SLAMF6: variants seen among roughly 807,000 people sequenced by gnomAD.
The protein encoded by SLAMF6 is SLAM family member 6.
Under a neutral mutation model 38.3 loss-of-function variants are expected in SLAMF6, and 21 were observed. The observed-to-expected ratio is 0.55, with a 90% CI of 0.39 to 0.79. SLAMF6 has a LOEUF of 0.79. Ranked by LOEUF, SLAMF6 falls within the 30% of genes least tolerant of loss-of-function variation. SLAMF6 has a pLI of 0.00. For missense variants in SLAMF6, 341 were observed against 385.3 expected (o/e 0.89, Z 0.96); for synonymous variants, 152 against 146.3 (o/e 1.04, Z -0.28).
rs114055014 is a variant in SLAMF6 at position 160,505,765 on chromosome 1, C to T, written c.50-9372G>A. ...CAATGGACAAAGAACTAAAGGAAATCAAGAAAAGGATATATAAAGAAAAGA... is the reference window on the plus strand; with the variant it reads ...CAATGGACAAAGAACTAAAGGAAATTAAGAAAAGGATATATAAAGAAAAGA... On this transcript the variant is annotated intron_variant, in intron 1 of 7. Coordinates refer to ENST00000368057, the MANE Select transcript of SLAMF6 (RefSeq NM_001184714.2). Among the ~76,000 whole-genome samples, 1,503 of 151,664 alleles carry T rather than the reference C, an allele frequency of 9.9e-3. 19 individuals carry two copies. Among genetic ancestry groups the T allele is most frequent in the African/African-American group, 0.035 (1,427 of 41,308 alleles).
At chr1:160,516,880 A>C (rs898811133) in intron 1 of SLAMF6, among the ~76,000 whole-genome samples, 1 of 152,246 alleles carries the variant, frequency 6.6e-6, no homozygotes, top group Non-Finnish European at 1.5e-5. Flanking sequence ...TAAAGACTTA[A>C]ATGTAAAACT....
intron 7 of SLAMF6, 91 bp from the exon 8 acceptor site, chr1:160,486,845 A>G (rs1239354516): frequency 7.0e-7 from 1 of 1,422,274 alleles, no homozygotes; most frequent in Non-Finnish European, 9.9e-7. Flanking sequence ...TGGAGACTAC[A>G]GAGAGGCAGA....
intron 1 of SLAMF6, among the ~76,000 whole-genome samples, chr1:160,497,641 C>T (rs1653659776): frequency 6.6e-6 from 1 of 152,090 alleles, no homozygotes; most frequent in Admixed American, 6.6e-5. Flanking sequence ...CCTTCCTTCC[C>T]CCTCTAGTAG....
intron 2 of SLAMF6, among the ~76,000 whole-genome samples, chr1:160,492,797 T>A (rs1190107961): frequency 6.6e-6 from 1 of 152,150 alleles, no homozygotes; most frequent in Non-Finnish European, 1.5e-5. Flanking sequence ...CCTCTGGAGT[T>A]ATCGCTGATT....
chr1:160,522,430 G>C (rs775492690), intron 1 of SLAMF6, among the ~76,000 whole-genome samples: 2 of 152,140 alleles, frequency 1.3e-5, no homozygotes, highest in Non-Finnish European at 2.9e-5. Context: ...GACTATCTCT[G>C]CCTGAATGCT....
chr1:160,508,631 A>G (rs966550728), intron 1 of SLAMF6, among the ~76,000 whole-genome samples: 2 of 152,212 alleles, frequency 1.3e-5, no homozygotes, highest in Non-Finnish European at 2.9e-5. Context: ...ACCAAAAGCA[A>G]TGGCAACAAA....
chr1:160,518,687 C>T (rs532458806), intron 1 of SLAMF6, among the ~76,000 whole-genome samples: 121 of 151,982 alleles, frequency 8.0e-4, no homozygotes, highest in African/African-American at 2.5e-3. Flanking sequence ...AGCCAAACAC[C>T]GCATGTTCTT....
intron 1 of SLAMF6, among the ~76,000 whole-genome samples, chr1:160,521,265 T>C (rs1654970927): frequency 6.6e-6 from 1 of 152,150 alleles, no homozygotes; most frequent in African/African-American, 2.4e-5. Context: ...TTCAAATGTG[T>C]TTCTCTTTCT....
intron 2 of SLAMF6, among the ~76,000 whole-genome samples, chr1:160,492,816 C>T (rs116688054): frequency 0.036 from 5,414 of 152,192 alleles, 110 homozygotes; most frequent in Middle Eastern, 0.075. Context: ...TTCATATCTT[C>T]ATCTCATACT....
chr1:160,515,025 T>C (rs1654669401), intron 1 of SLAMF6, among the ~76,000 whole-genome samples: 2 of 151,812 alleles, frequency 1.3e-5, no homozygotes, highest in African/African-American at 4.8e-5. Flanking sequence ...CTGAAGGAGA[T>C]AGATAAAAGA....
At position 160,486,433 on chromosome 1, in the gene SLAMF6, G is replaced by C. The variant is rs542236681; in HGVS notation, c.*274C>G. 98 of 387,342 alleles carry C rather than the reference G, an allele frequency of 2.5e-4. 1 individual carries two copies. The highest frequency in any genetic ancestry group is 2.2e-3 in the Middle Eastern group (3 of 1,358). The allele number at this position is 387,342 out of a possible 1,614,324, so 24.0% of individuals were successfully genotyped here. ...ATTCCATTTGCTTAGTTATCAAAGA[G>C]AGAGTCAATGTGCTGGTGTGTTATC... is the stretch of plus-strand genomic sequence containing the variant. On this transcript the variant is annotated 3_prime_UTR_variant, in exon 8 of 8. Transcript: ENST00000368057.
intron 1 of SLAMF6, among the ~76,000 whole-genome samples, chr1:160,508,516 G>T (rs1028331167): frequency 3.9e-5 from 6 of 152,180 alleles, no homozygotes; most frequent in Non-Finnish European, 8.8e-5. Context: ...ATTCAAGATG[G>T]ATTAAAGACT....
intron 1 of SLAMF6, among the ~76,000 whole-genome samples, chr1:160,503,146 A>T (rs1653997287): frequency 6.6e-6 from 1 of 152,136 alleles, no homozygotes; most frequent in Non-Finnish European, 1.5e-5. Context: ...AAAGATTTAG[A>T]GGGTAAAGGG....
In SLAMF6 at chr1:160,489,274, T is replaced by C. The variant is rs2102014461; in HGVS notation, c.797-104A>G. On this transcript the variant is annotated intron_variant, in intron 5 of 7. Transcript: ENST00000368057. ...CACTGTGTCCCCAGATAGGCAGGTGTTTGAAGCATCTCCTTTCCTGAGGGA... is the reference window on the plus strand; with the variant it reads ...CACTGTGTCCCCAGATAGGCAGGTGCTTGAAGCATCTCCTTTCCTGAGGGA... 5 of 1,092,970 alleles carry C rather than the reference T, an allele frequency of 4.6e-6. No individual in the cohort carries two copies. The South Asian group carries it at 5.2e-5, about 11-fold the overall frequency. 67.7% of individuals were successfully genotyped at this position (1,092,970 alleles called of 1,614,324 possible). A position where few individuals can be genotyped will look rare whatever the true frequency, so the allele number is the denominator to read the frequency against.
chr1:160,500,458 C>T (rs925902847), intron 1 of SLAMF6, among the ~76,000 whole-genome samples: 1 of 152,156 alleles, frequency 6.6e-6, no homozygotes, highest in Non-Finnish European at 1.5e-5. Flanking sequence ...GCAGCTCACT[C>T]TTTTGCCTCC....
At chr1:160,520,739 G>A (rs1052048223) in intron 1 of SLAMF6, among the ~76,000 whole-genome samples, 15 of 152,138 alleles carry the variant, frequency 9.9e-5, no homozygotes, top group African/African-American at 2.4e-4. Flanking sequence ...AAGGAGTCAG[G>A]ATAGTGCCCA....
At chr1:160,495,280 G>A (rs1351749097) in intron 2 of SLAMF6, among the ~76,000 whole-genome samples, 2 of 152,114 alleles carry the variant, frequency 1.3e-5, no homozygotes, top group African/African-American at 4.8e-5. Flanking sequence ...TGAATCTCCT[G>A]CTAAGTGATT....
chr1:160,501,542 G>A (rs1653891148), intron 1 of SLAMF6, among the ~76,000 whole-genome samples: 1 of 152,126 alleles, frequency 6.6e-6, no homozygotes, highest in Non-Finnish European at 1.5e-5. Flanking sequence ...AGAGATATGT[G>A]CTCCATGGGA....
chr1:160,487,221 A>T (rs1423832972), intron 6 of SLAMF6, 46 bp from the exon 7 acceptor site: 8 of 1,466,810 alleles, frequency 5.5e-6, no homozygotes, highest in East Asian at 2.3e-5. Flanking sequence ...AGACAAAGAG[A>T]TTAATGCATA....
Sources: allele counts gnomAD v4.1 joint callset (sites outside exome capture counted in the v4.1 genomes callset), GRCh38; gene constraint gnomAD v4.1.1; transcripts MANE v1.5; gene names NCBI Gene and HGNC (gene_info 2026-07-23, HGNC 2026-07-21).